The following DOCK2 variants were observed in gnomAD, a reference collection of about 807,000 sequenced individuals.
DOCK2 encodes the protein dedicator of cytokinesis 2.
Under a neutral mutation model 248.9 loss-of-function variants are expected in DOCK2, and 87 were observed. The observed-to-expected ratio is 0.35, with a 90% CI of 0.29 to 0.42. The LOEUF (loss-of-function observed/expected upper bound fraction) is 0.42. Ranked by LOEUF, DOCK2 falls within the 10% of genes least tolerant of loss-of-function variation. The probability of loss-of-function intolerance (pLI) is 1.00; values close to 1 mark genes in which losing one functional copy is unlikely to be tolerated. For missense variants in DOCK2, 1,747 were observed against 2,300.2 expected, an observed-to-expected ratio of 0.76 and a Z score of 4.92; for synonymous variants, 805 against 821.6, an observed-to-expected ratio of 0.98 and a Z score of 0.35.
chr5:169,925,849 C>T lies in DOCK2; in HGVS notation c.2800-57219C>T, dbSNP rs563963916. 1.2e-4 allele frequency among the ~76,000 whole-genome samples: 18 copies of T among 152,214 alleles called. No individual in the cohort carries two copies. In the South Asian group the frequency reaches 3.1e-3, roughly 26 times the overall value. ...TATTATCACTGTTTCTGGAATTTAA[C>T]AATTTCTGGTTCCCTGGGGAGAAGA... On this transcript the variant is annotated intron_variant, in intron 27 of 51. Coordinates refer to ENST00000520908, the MANE Select transcript of DOCK2 (RefSeq NM_004946.3).
chr5:169,669,151 G>C (rs1480159416), intron 2 of DOCK2, 137 bp from the exon 3 acceptor site: 1 of 916,892 alleles, frequency 1.1e-6, no homozygotes, highest in African/African-American at 1.7e-5. Flanking sequence ...TGAGCTTCCA[G>C]AGTTTGATCT....
At chr5:169,987,772 T>G (rs1021578829) in intron 29 of DOCK2, among the ~76,000 whole-genome samples, 5 of 152,212 alleles carry the variant, frequency 3.3e-5, no homozygotes, top group African/African-American at 1.2e-4. Context: ...AAATCTCTCC[T>G]AAATAGAAAT....
At chr5:169,874,410 C>CAA (rs34525811) in intron 27 of DOCK2, among the ~76,000 whole-genome samples, 1,114 of 71,400 alleles carry the variant, frequency 0.016, 30 homozygotes, top group Non-Finnish European at 0.02. Context: ...GACTCTGTCT[C>CAA]AAAAAAAAAA....
In DOCK2 at chr5:170,082,860, C is replaced by T. The variant is rs1758083134; in HGVS notation, c.*2C>T. 3.7e-6 allele frequency: 6 copies of T among 1,614,098 alleles called. No individual in the cohort carries two copies. The highest frequency in any genetic ancestry group is 1.7e-5 in the Admixed American group (1 of 60,010). On this transcript the variant is annotated 3_prime_UTR_variant, in exon 52 of 52. Coordinates refer to ENST00000520908, the MANE Select transcript of DOCK2 (RefSeq NM_004946.3). The stretch of plus-strand genomic sequence containing the variant: ...GACTCGCTGTCCACGGACCTGTGAG[C>T]TGCTGCTGACTAGGGCTGCATGGGA...
intron 30 of DOCK2, among the ~76,000 whole-genome samples, chr5:170,005,436 G>C (rs1754991804): frequency 6.6e-6 from 1 of 152,130 alleles, no homozygotes; most frequent in Admixed American, 6.5e-5. Flanking sequence ...AGTTGGAGAA[G>C]ACAGGGCATA....
At chr5:169,875,092 A>G (rs1409925874) in intron 27 of DOCK2, 1 of 413,742 alleles carries the variant, frequency 2.4e-6, no homozygotes, top group African/African-American at 2.1e-5. Context: ...TCTCTGGGCT[A>G]TTTTACAAGC....
At chr5:169,732,326 AG>A (rs1581111206) in intron 22 of DOCK2, among the ~76,000 whole-genome samples, 1 of 151,998 alleles carries the variant, frequency 6.6e-6, no homozygotes, top group Admixed American at 6.5e-5. Flanking sequence ...TTCTCTCTGG[AG>A]GTCCTAAATG....
intron 50 of DOCK2, 67 bp from the exon 51 acceptor site, chr5:170,081,775 T>G: frequency 5.9e-5 from 55 of 937,002 alleles, no homozygotes; most frequent in Non-Finnish European, 7.2e-5. Context: ...TCCCCCTGTC[T>G]ACCTCCCCCA....
chr5:169,802,953 T>C (rs1392262228), intron 25 of DOCK2, 105 bp from the exon 26 acceptor site: 4 of 1,319,168 alleles, frequency 3.0e-6, no homozygotes, highest in Non-Finnish European at 1.0e-6. Context: ...ACAAGGAGAA[T>C]GTCTTCATGA....
chr5:169,759,070 G>T (rs1329024827), intron 23 of DOCK2, among the ~76,000 whole-genome samples: 1 of 152,140 alleles, frequency 6.6e-6, no homozygotes, highest in Non-Finnish European at 1.5e-5. Context: ...GGTGAGTGTG[G>T]CTCCTATCTC....
Position 170,019,028 on chromosome 5 carries a change from G to C in DOCK2, c.3301G>C (p.Ala1101Pro). The C allele has an allele frequency of 6.2e-7, 1 of 1,614,078 alleles. No homozygotes were observed. The highest frequency in any genetic ancestry group is 8.5e-7 in the Non-Finnish European group (1 of 1,179,970). The change falls in exon 33 of 52, where the codon GCT becomes CCT. Residue 1101 changes from alanine to proline, a missense_variant. Transcript: ENST00000520908. ...ATTAGAGATGACACTTATCCCTGAG[G>C]CTGAGCTCCGGAAAGCCACCATACC... is the stretch of plus-strand genomic sequence containing the variant. ...PILEMTLIPE[A>P]ELRKATIPIF...
At chr5:170,018,871 T>A in intron 32 of DOCK2, 89 bp from the exon 33 acceptor site, 1 of 1,486,658 alleles carries the variant, frequency 6.7e-7, no homozygotes, top group Non-Finnish European at 9.1e-7. Context: ...CTATTATGCT[T>A]CCCTTTTTTT....
chr5:169,861,161 T>C (rs997568910), intron 27 of DOCK2, among the ~76,000 whole-genome samples: 1 of 152,186 alleles, frequency 6.6e-6, no homozygotes, highest in African/African-American at 2.4e-5. Context: ...AAGTTCTGAA[T>C]CTGCTCTTTA....
At chr5:169,882,833 C>G in intron 27 of DOCK2, 1 of 1,550,776 alleles carries the variant, frequency 6.4e-7, no homozygotes, top group South Asian at 1.2e-5. Flanking sequence ...GCCGTCTGCT[C>G]CTGACACCCA....
intron 25 of DOCK2, among the ~76,000 whole-genome samples, chr5:169,767,003 G>A (rs1233423495): frequency 6.6e-6 from 1 of 152,208 alleles, no homozygotes; most frequent in Non-Finnish European, 1.5e-5. Context: ...CGATCTGCCT[G>A]CCTCAGCCTC....
At chr5:169,881,543 A>C (rs916738393) in intron 27 of DOCK2, 1 of 867,084 alleles carries the variant, frequency 1.2e-6, no homozygotes, top group Non-Finnish European at 1.9e-6. Context: ...CACAGCATTC[A>C]CGGTGCTCTG....
chr5:169,808,504 T>C (rs1767541009), intron 26 of DOCK2, among the ~76,000 whole-genome samples: 2 of 152,054 alleles, frequency 1.3e-5, no homozygotes, highest in East Asian at 3.8e-4. Flanking sequence ...CTCACCCAGC[T>C]TGCTCCTGGT....
Position 169,927,852 on chromosome 5 carries a change from A to G in DOCK2, c.2800-55216A>G, listed in dbSNP as rs373165335. On this transcript the variant is annotated intron_variant, in intron 27 of 51. Coordinates refer to ENST00000520908, the MANE Select transcript of DOCK2 (RefSeq NM_004946.3). Reference sequence around the variant, plus strand: ...AGGATGGTCTCAATCTCCTGACCTCATGATCCACCCGTCTCGGCCTCCCAA... The same window carrying G: ...AGGATGGTCTCAATCTCCTGACCTCGTGATCCACCCGTCTCGGCCTCCCAA... 3.3e-4 allele frequency among the ~76,000 whole-genome samples: 50 copies of G among 152,232 alleles called. 1 individual carries two copies. The highest frequency in any genetic ancestry group is 2.1e-3 in the South Asian group (10 of 4,814).
chr5:169,937,722 G>T (rs1408725223), intron 27 of DOCK2, among the ~76,000 whole-genome samples: 1 of 152,056 alleles, frequency 6.6e-6, no homozygotes, highest in African/African-American at 2.4e-5. Context: ...TAACACTTTT[G>T]CCCAGTAGTA....
Sources: gnomAD v4.1 joint callset for allele counts (sites outside exome capture counted in the v4.1 genomes callset) on GRCh38, gnomAD v4.1.1 for gene constraint, MANE v1.5 for transcripts, NCBI Gene and HGNC (gene_info 2026-07-23, HGNC 2026-07-21) for gene names.